The following MNAT1 variants were observed in gnomAD, a reference collection of about 807,000 sequenced individuals.
MNAT1 encodes the protein CDK-activating kinase assembly factor MAT1.
MNAT1 carries 43 observed loss-of-function variants against 42.0 expected under a neutral mutation model. The observed-to-expected ratio is 1.02, with a 90% CI of 0.80 to 1.32. MNAT1 has a LOEUF of 1.32. Among genes scored for constraint, MNAT1 ranks in the 40% most tolerant of loss-of-function variants. The probability of loss-of-function intolerance (pLI) is 0.00; values close to 1 mark genes in which losing one functional copy is unlikely to be tolerated. For synonymous variants in MNAT1, 118 were observed against 120.0 expected (o/e 0.98, Z 0.11); for missense variants, 306 against 350.4 (o/e 0.87, Z 1.01).
intron 6 of MNAT1, among the ~76,000 whole-genome samples, chr14:60,859,572 C>CTT (rs1267867611): frequency 3.3e-5 from 5 of 152,042 alleles, no homozygotes; most frequent in Non-Finnish European, 7.4e-5. Context: ...AAACATTAAT[C>CTT]AAGACAAAAA....
chr14:60,902,268 T>G (rs1388728474), intron 7 of MNAT1, among the ~76,000 whole-genome samples: 1 of 152,180 alleles, frequency 6.6e-6, no homozygotes, highest in African/African-American at 2.4e-5. Context: ...TGCAAAATCA[T>G]TTTTTATATA....
At chr14:60,807,095 A>G (rs1472528940) in intron 3 of MNAT1, among the ~76,000 whole-genome samples, 1 of 152,228 alleles carries the variant, frequency 6.6e-6, no homozygotes, top group Non-Finnish European at 1.5e-5. Flanking sequence ...ATTGCGTATG[A>G]TAAAACTGAA....
intron 7 of MNAT1, among the ~76,000 whole-genome samples, chr14:60,911,275 G>A (rs969253121): frequency 2.0e-4 from 30 of 152,082 alleles, no homozygotes; most frequent in African/African-American, 6.5e-4. Context: ...CAAAAAACCA[G>A]CTCCTGGATT....
intron 1 of MNAT1, among the ~76,000 whole-genome samples, chr14:60,743,396 C>T (rs1295918431): frequency 6.6e-6 from 1 of 152,102 alleles, no homozygotes; most frequent in Non-Finnish European, 1.5e-5. Flanking sequence ...TCAAGCGATT[C>T]TCCTGCCTCA....
intron 6 of MNAT1, among the ~76,000 whole-genome samples, chr14:60,871,747 C>T (rs575439256): frequency 2.2e-3 from 332 of 152,032 alleles, no homozygotes; most frequent in African/African-American, 7.6e-3. Context: ...CTCAGCCTCC[C>T]GAGTAGCTGG....
intron 7 of MNAT1, among the ~76,000 whole-genome samples, chr14:60,939,402 A>C (rs1215004359): frequency 6.6e-6 from 1 of 151,166 alleles, no homozygotes; most frequent in Non-Finnish European, 1.5e-5. Context: ...CACTGCTTTG[A>C]GTGTGTCCCA....
At chr14:60,932,737 A>C (rs539046432) in intron 7 of MNAT1, among the ~76,000 whole-genome samples, 1 of 152,106 alleles carries the variant, frequency 6.6e-6, no homozygotes, top group African/African-American at 2.4e-5. Context: ...TCTATTTCTT[A>C]TCCTGTGCTC....
At chr14:60,777,430 C>T (rs961676145) in intron 1 of MNAT1, among the ~76,000 whole-genome samples, 1 of 151,932 alleles carries the variant, frequency 6.6e-6, no homozygotes, top group Non-Finnish European at 1.5e-5. Context: ...ACTTGTACCC[C>T]ACCTCTCCCC....
chr14:60,846,391 TA>T (rs1250794419), intron 6 of MNAT1, among the ~76,000 whole-genome samples: 5 of 152,214 alleles, frequency 3.3e-5, no homozygotes, highest in Admixed American at 2.6e-4. Flanking sequence ...TAAGAATTTT[TA>T]AAAAATTTTT....
chr14:60,894,692 G>A (rs559213568), intron 7 of MNAT1, among the ~76,000 whole-genome samples: 2 of 151,996 alleles, frequency 1.3e-5, no homozygotes, highest in Non-Finnish European at 2.9e-5. Context: ...GTTTGTGTGT[G>A]TGTCTGTTGG....
At chr14:60,880,246 G>T (rs1255513209) in intron 7 of MNAT1, among the ~76,000 whole-genome samples, 1 of 152,076 alleles carries the variant, frequency 6.6e-6, no homozygotes, top group Admixed American at 6.6e-5. Context: ...ACATTTATGA[G>T]CCATGAGCCA....
intron 7 of MNAT1, among the ~76,000 whole-genome samples, chr14:60,887,346 G>A (rs945458046): frequency 1.1e-4 from 17 of 149,852 alleles, no homozygotes; most frequent in South Asian, 2.1e-4. Flanking sequence ...CCATTAACTC[G>A]TCATTGAGCA....
intron 1 of MNAT1, among the ~76,000 whole-genome samples, chr14:60,737,973 C>A (rs1299393599): frequency 6.6e-6 from 1 of 150,896 alleles, no homozygotes; most frequent in Non-Finnish European, 1.5e-5. Context: ...CTCAGCCTCC[C>A]GAGTAGCTGG....
chr14:60,741,386 A>C (rs564507149), intron 1 of MNAT1, among the ~76,000 whole-genome samples: 26 of 151,882 alleles, frequency 1.7e-4, no homozygotes, highest in South Asian at 1.7e-3. Context: ...TTGAGATGGA[A>C]TCTCGCTCTG....
intron 7 of MNAT1, among the ~76,000 whole-genome samples, chr14:60,942,482 T>C (rs1247691277): frequency 2.0e-5 from 3 of 151,934 alleles, no homozygotes; most frequent in Non-Finnish European, 2.9e-5. Context: ...CTTTTAGTCT[T>C]ATTTAAAATA....
At chr14:60,824,898 A>G (rs1025243601) in intron 6 of MNAT1, among the ~76,000 whole-genome samples, 2 of 152,284 alleles carry the variant, frequency 1.3e-5, no homozygotes, top group Middle Eastern at 6.8e-3. Context: ...ATTCTGTCAC[A>G]TACTTAAGTT....
chr14:60,940,127 T>C (rs1001982958), intron 7 of MNAT1, among the ~76,000 whole-genome samples: 1 of 152,206 alleles, frequency 6.6e-6, no homozygotes, highest in African/African-American at 2.4e-5. Flanking sequence ...TATGTGTGTC[T>C]CTGCACGTGA....
intron 1 of MNAT1, among the ~76,000 whole-genome samples, chr14:60,749,791 T>G (rs1233046790): frequency 6.6e-6 from 1 of 152,188 alleles, no homozygotes. Flanking sequence ...AGACAGCAAA[T>G]AGAATGAGAA....
intron 6 of MNAT1, among the ~76,000 whole-genome samples, chr14:60,837,732 G>A (rs1476679243): frequency 1.3e-5 from 2 of 152,202 alleles, no homozygotes; most frequent in African/African-American, 4.8e-5. Context: ...GTAGTTTGGA[G>A]CCTCCACTGA....
Sources: allele counts gnomAD v4.1 joint callset (sites outside exome capture counted in the v4.1 genomes callset), GRCh38; gene constraint gnomAD v4.1.1; transcripts MANE v1.5; gene names NCBI Gene and HGNC (gene_info 2026-07-23, HGNC 2026-07-21).